Variants in SH3GL2 observed in about 807,000 individuals in gnomAD.
SH3GL2 encodes SH3 domain containing GRB2 like 2, endophilin A1, also known as endophilin-A1.
A neutral mutation model predicts 46.0 loss-of-function variants in SH3GL2; 24 were observed. The ratio of observed to expected loss-of-function variants is 0.52; its 90% confidence interval spans 0.38 to 0.73. The LOEUF (loss-of-function observed/expected upper bound fraction) is 0.73, where lower values mean the gene tolerates loss of function less well. Among genes scored for constraint, SH3GL2 ranks in the 30% least tolerant of loss-of-function variants. The probability of loss-of-function intolerance (pLI) is 0.00; values close to 1 mark genes in which losing one functional copy is unlikely to be tolerated. For missense variants in SH3GL2, 413 were observed against 424.2 expected (o/e 0.97, Z 0.23); for synonymous variants, 196 against 147.1 (o/e 1.33, Z -2.40).
chr9:17,644,046 C>T (rs545182989), intron 1 of SH3GL2, among the ~76,000 whole-genome samples: 1 of 152,236 alleles, frequency 6.6e-6, no homozygotes, highest in South Asian at 2.1e-4. Context: ...TTGACTTCTT[C>T]CTGGTTTAGT....
intron 1 of SH3GL2, among the ~76,000 whole-genome samples, chr9:17,736,638 C>G (rs1822342187): frequency 6.6e-6 from 1 of 152,098 alleles, no homozygotes; most frequent in African/African-American, 2.4e-5. Context: ...ATATGGAGAA[C>G]TGACTATACT....
At chr9:17,718,433 C>T (rs1299775734) in intron 1 of SH3GL2, among the ~76,000 whole-genome samples, 1 of 152,144 alleles carries the variant, frequency 6.6e-6, no homozygotes, top group Admixed American at 6.6e-5. Context: ...GTTAAAAATG[C>T]AGATTCTGGC....
intron 1 of SH3GL2, among the ~76,000 whole-genome samples, chr9:17,643,012 G>C (rs186453294): frequency 5.3e-5 from 8 of 152,240 alleles, no homozygotes; most frequent in Admixed American, 5.2e-4. Flanking sequence ...GATTCTTCCT[G>C]TCCACGAGCA....
At chr9:17,656,648 A>G (rs1273805931) in intron 1 of SH3GL2, among the ~76,000 whole-genome samples, 1 of 151,930 alleles carries the variant, frequency 6.6e-6, no homozygotes, top group Non-Finnish European at 1.5e-5. Flanking sequence ...AATTATATTC[A>G]GATCTATTGA....
intron 1 of SH3GL2, among the ~76,000 whole-genome samples, chr9:17,603,092 G>T (rs1411817706): frequency 1.3e-5 from 2 of 152,178 alleles, no homozygotes; most frequent in Non-Finnish European, 2.9e-5. Context: ...CTTTTGGTCT[G>T]TGTTGGAGAG....
At chr9:17,731,183 A>T (rs1384718655) in intron 1 of SH3GL2, among the ~76,000 whole-genome samples, 3 of 152,120 alleles carry the variant, frequency 2.0e-5, no homozygotes, top group African/African-American at 7.2e-5. Context: ...CACTAAATAT[A>T]TCTAGAGCGA....
chr9:17,767,330 T>A (rs1823346100), intron 3 of SH3GL2, among the ~76,000 whole-genome samples: 1 of 152,236 alleles, frequency 6.6e-6, no homozygotes, highest in Admixed American at 6.5e-5. Flanking sequence ...AAGCTAGCTG[T>A]ATTAGTTTCA....
At chr9:17,635,069 A>G (rs1020860560) in intron 1 of SH3GL2, among the ~76,000 whole-genome samples, 8 of 152,172 alleles carry the variant, frequency 5.3e-5, no homozygotes, top group African/African-American at 1.7e-4. Context: ...TGTTGTACAG[A>G]TGATTTCATC....
At chr9:17,794,521 C>T (rs745992263) in intron 8 of SH3GL2, among the ~76,000 whole-genome samples, 2 of 152,274 alleles carry the variant, frequency 1.3e-5, no homozygotes, top group East Asian at 1.9e-4. Context: ...CTATGCTTCT[C>T]CCTGTCTGAA....
chr9:17,768,714 G>C (rs150245845), intron 3 of SH3GL2, among the ~76,000 whole-genome samples: 1 of 152,000 alleles, frequency 6.6e-6, no homozygotes, highest in Admixed American at 6.6e-5. Context: ...CCCCTTCTTC[G>C]ACAACTGTCT....
Position 17,758,771 on chromosome 9 carries a change from G to C in SH3GL2, c.115-2666G>C, listed in dbSNP as rs2131147778. ...AGTCAAAAGGGTTTAGGTAGAACTT[G>C]CTCTGTAATGATGCCTGGACTAGGT... On this transcript the variant is annotated intron_variant, in intron 2 of 8. Coordinates refer to ENST00000380607, the MANE Select transcript of SH3GL2 (RefSeq NM_003026.5). 1.8e-5 allele frequency among the ~76,000 whole-genome samples: 2 copies of C among 112,576 alleles called. 1 individual carries two copies. The highest frequency in any genetic ancestry group is 1.8e-3 in the East Asian group (2 of 1,100). 73.9% of individuals were successfully genotyped at this position (112,576 alleles called of 152,430 possible). A position where few individuals can be genotyped will look rare whatever the true frequency, so the allele number is the denominator to read the frequency against.
intron 1 of SH3GL2, among the ~76,000 whole-genome samples, chr9:17,580,719 G>A (rs1173323029): frequency 1.3e-5 from 2 of 152,172 alleles, no homozygotes; most frequent in African/African-American, 4.8e-5. Context: ...GTTCTTTCAG[G>A]TTTACAGAAC....
intron 1 of SH3GL2, among the ~76,000 whole-genome samples, chr9:17,640,190 A>T (rs940426766): frequency 1.3e-5 from 2 of 152,006 alleles, no homozygotes; most frequent in African/African-American, 4.8e-5. Flanking sequence ...AACATTTTAA[A>T]AATATATAGT....
chr9:17,766,529 A>T (rs1823322734), intron 3 of SH3GL2, among the ~76,000 whole-genome samples: 5 of 152,222 alleles, frequency 3.3e-5, no homozygotes, highest in Admixed American at 2.6e-4. Flanking sequence ...TAGAAATAGG[A>T]TGCAAGCCAC....
At chr9:17,638,976 A>G (rs1342351018) in intron 1 of SH3GL2, among the ~76,000 whole-genome samples, 1 of 152,172 alleles carries the variant, frequency 6.6e-6, no homozygotes, top group African/African-American at 2.4e-5. Context: ...TCAATTATTA[A>G]CCCTGGTTGT....
intron 1 of SH3GL2, among the ~76,000 whole-genome samples, chr9:17,730,691 C>G (rs1822154227): frequency 6.6e-6 from 1 of 152,004 alleles, no homozygotes; most frequent in African/African-American, 2.4e-5. Flanking sequence ...TTTACAAAGG[C>G]CTTTTCTGCA....
intron 1 of SH3GL2, among the ~76,000 whole-genome samples, chr9:17,711,522 ATTAGT>A (rs1227771580): frequency 1.3e-5 from 2 of 151,770 alleles, no homozygotes; most frequent in South Asian, 4.1e-4. Flanking sequence ...CTTACCATAG[ATTAGT>A]TTGAGTTTTC....
chr9:17,665,999 C>T (rs776876099), intron 1 of SH3GL2, among the ~76,000 whole-genome samples: 3 of 150,920 alleles, frequency 2.0e-5, no homozygotes, highest in African/African-American at 4.9e-5. Context: ...TGTAACTCCA[C>T]CGCCTAAGAA....
chr9:17,665,617 A>G (rs984072308), intron 1 of SH3GL2, among the ~76,000 whole-genome samples: 2 of 152,010 alleles, frequency 1.3e-5, no homozygotes, highest in South Asian at 2.1e-4. Flanking sequence ...AAATCTGGCC[A>G]GTAAGAGCCC....
Sources: allele counts gnomAD v4.1 joint callset (sites outside exome capture counted in the v4.1 genomes callset), GRCh38; gene constraint gnomAD v4.1.1; transcripts MANE v1.5; gene names NCBI Gene and HGNC (gene_info 2026-07-23, HGNC 2026-07-21).